ADAM2: variants seen among roughly 807,000 people sequenced by gnomAD.
ADAM2 encodes the protein ADAM metallopeptidase domain 2, also known as disintegrin and metalloproteinase domain-containing protein 2.
Under a neutral mutation model 99.3 loss-of-function variants are expected in ADAM2, and 101 were observed. The observed-to-expected ratio is 1.02, with a 90% CI of 0.87 to 1.20. The LOEUF is 1.20. Among genes scored for constraint, ADAM2 ranks in the 50% most tolerant of loss-of-function variants. The probability of loss-of-function intolerance (pLI) is 0.00; values close to 1 mark genes in which losing one functional copy is unlikely to be tolerated. For missense variants in ADAM2, 948 were observed against 878.7 expected, an observed-to-expected ratio of 1.08 and a Z score of -1.00; for synonymous variants, 323 against 287.6, an observed-to-expected ratio of 1.12 and a Z score of -1.25.
chr8:39,831,963 A>T (rs909828421), intron 3 of ADAM2, among the ~76,000 whole-genome samples: 3 of 152,194 alleles, frequency 2.0e-5, no homozygotes, highest in Non-Finnish European at 2.9e-5. Flanking sequence ...TCATGCAAGG[A>T]TGTTAATTCT....
At chr8:39,807,653 G>A (rs1381576447) in intron 7 of ADAM2, among the ~76,000 whole-genome samples, 1 of 152,100 alleles carries the variant, frequency 6.6e-6, no homozygotes, top group East Asian at 1.9e-4. Flanking sequence ...GCCATCTGTA[G>A]GCTAGGAAGA....
chr8:39,824,237 C>A (rs890412964), intron 4 of ADAM2, among the ~76,000 whole-genome samples: 1 of 145,864 alleles, frequency 6.9e-6, no homozygotes, highest in African/African-American at 2.6e-5. Context: ...GAGCTGAGAT[C>A]GCGCCATTGC....
At chr8:39,826,864 A>G (rs759579290) in intron 3 of ADAM2, among the ~76,000 whole-genome samples, 3 of 152,210 alleles carry the variant, frequency 2.0e-5, no homozygotes, top group Non-Finnish European at 2.9e-5. Context: ...ACAAAAGCAC[A>G]GGTAACAAAA....
chr8:39,746,855 C>T (rs201975), intron 18 of ADAM2, among the ~76,000 whole-genome samples: 88,173 of 151,910 alleles, frequency 0.58, 25,799 homozygotes, highest in East Asian at 0.86. Context: ...TGATACTTTG[C>T]TGAGGATTTT....
At position 39,769,574 on chromosome 8, in the gene ADAM2, G is replaced by A. The variant is rs369548750; in HGVS notation, c.1030C>T (p.His344Tyr). The A allele has an allele frequency of 1.1e-4, 178 of 1,607,720 alleles. No individual in the cohort carries two copies. Among genetic ancestry groups the A allele is most frequent in the Non-Finnish European group, 1.4e-4 (168 of 1,175,244 alleles). Residue 344 changes from histidine (H) to tyrosine (Y), a missense_variant and splice_region_variant, in exon 12 of 21, where the codon CAT becomes TAT. Coordinates refer to ENST00000265708, the MANE Select transcript of ADAM2 (RefSeq NM_001464.5). ...AVCIMNPEAI[H>Y]FSGVKIFSNC... ...CTAAAGATCTTCACACCACTGAAATGACTAAAGACACATCAAACGTCAAAT... is the reference window on the plus strand; with the variant it reads ...CTAAAGATCTTCACACCACTGAAATAACTAAAGACACATCAAACGTCAAAT...
At chr8:39,816,801 G>A (rs1294419070) in intron 6 of ADAM2, among the ~76,000 whole-genome samples, 1 of 152,294 alleles carries the variant, frequency 6.6e-6, no homozygotes, top group East Asian at 1.9e-4. Context: ...TGGTTATAAA[G>A]TTTCTTTGTA....
At chr8:39,819,819 C>T (rs1805104440) in intron 6 of ADAM2, among the ~76,000 whole-genome samples, 1 of 152,056 alleles carries the variant, frequency 6.6e-6, no homozygotes, top group Non-Finnish European at 1.5e-5. Flanking sequence ...TGTACTCTCC[C>T]TCTCTGTGTA....
At chr8:39,809,199 G>A (rs1167174476) in intron 7 of ADAM2, among the ~76,000 whole-genome samples, 2 of 151,998 alleles carry the variant, frequency 1.3e-5, no homozygotes, top group Non-Finnish European at 2.9e-5. Context: ...TATAGAGGTA[G>A]CAATTATTTT....
intron 2 of ADAM2, among the ~76,000 whole-genome samples, chr8:39,836,696 TAATCATTAACATATTCGC>T (rs2129589637): frequency 6.6e-6 from 1 of 152,340 alleles, no homozygotes; most frequent in African/African-American, 2.4e-5. Flanking sequence ...GAAAGAGTTC[TAATCATTAACATATTCGC>T]AATCAGGGCT....
chr8:39,758,941 G>C (rs1486929867), intron 15 of ADAM2, among the ~76,000 whole-genome samples: 1 of 151,870 alleles, frequency 6.6e-6, no homozygotes, highest in African/African-American at 2.4e-5. Context: ...TAAAAATATA[G>C]AAGTGACTAC....
chr8:39,786,844 T>A, intron 10 of ADAM2, 130 bp downstream of exon 10: 1 of 667,352 alleles, frequency 1.5e-6, no homozygotes, highest in Non-Finnish European at 2.4e-6. Flanking sequence ...AGTTTAAACA[T>A]TTCTGTCAGC....
At chr8:39,807,523 G>A (rs1804489877) in intron 7 of ADAM2, among the ~76,000 whole-genome samples, 1 of 152,142 alleles carries the variant, frequency 6.6e-6, no homozygotes, top group Non-Finnish European at 1.5e-5. Flanking sequence ...CATTGTAACA[G>A]TATTTGGAAA....
At chr8:39,804,505 G>A (rs1474220011) in intron 7 of ADAM2, among the ~76,000 whole-genome samples, 2 of 152,134 alleles carry the variant, frequency 1.3e-5, no homozygotes, top group African/African-American at 2.4e-5. Context: ...CAAAGATTGA[G>A]AGGCTTAAAT....
At chr8:39,754,444 C>T (rs1255076792) in intron 16 of ADAM2, among the ~76,000 whole-genome samples, 2 of 152,134 alleles carry the variant, frequency 1.3e-5, no homozygotes, top group Non-Finnish European at 2.9e-5. Flanking sequence ...ATTTCCTGTG[C>T]AATTCCTACC....
chr8:39,804,031 G>A (rs1401076470), intron 7 of ADAM2, among the ~76,000 whole-genome samples: 2 of 152,142 alleles, frequency 1.3e-5, no homozygotes, highest in African/African-American at 4.8e-5. Flanking sequence ...CGTGGTAATG[G>A]CAAGGAAAAC....
intron 10 of ADAM2, 93 bp downstream of exon 10, chr8:39,786,881 T>G: frequency 1.1e-6 from 1 of 934,628 alleles, no homozygotes; most frequent in South Asian, 1.9e-5. Flanking sequence ...CTTAGAACAA[T>G]GCAAATTTTA....
At chr8:39,824,433 A>C (rs1805318911) in intron 4 of ADAM2, among the ~76,000 whole-genome samples, 1 of 152,198 alleles carries the variant, frequency 6.6e-6, no homozygotes, top group African/African-American at 2.4e-5. Context: ...AACGTGTGTG[A>C]AACTTCATGT....
intron 6 of ADAM2, among the ~76,000 whole-genome samples, chr8:39,811,775 T>C (rs1027106823): frequency 1.3e-5 from 2 of 152,154 alleles, no homozygotes; most frequent in Admixed American, 6.5e-5. Context: ...ATGGGACGTA[T>C]CTCAAAATAA....
At position 39,755,981 on chromosome 8, in the gene ADAM2, T is replaced by A. The variant is rs1166344707; in HGVS notation, c.1614-70A>T. On this transcript the variant is annotated intron_variant, in intron 15 of 20. Coordinates refer to ENST00000265708, the MANE Select transcript of ADAM2 (RefSeq NM_001464.5). ...AAGTACAAGAATATAATTTTTAAAA[T>A]AGATAGATTTAAATAAAGTATTCAA... is the stretch of plus-strand genomic sequence containing the variant. 3.5e-6 allele frequency: 3 copies of A among 860,486 alleles called. No homozygotes were observed. In the African/African-American group the frequency reaches 5.3e-5, roughly 15 times the overall value. 53.3% of individuals were successfully genotyped at this position (860,486 alleles called of 1,614,324 possible).
Sources: gnomAD v4.1 joint callset for allele counts (sites outside exome capture counted in the v4.1 genomes callset) on GRCh38, gnomAD v4.1.1 for gene constraint, MANE v1.5 for transcripts, NCBI Gene and HGNC (gene_info 2026-07-23, HGNC 2026-07-21) for gene names.